Variants in NCKAP5 observed in about 807,000 individuals in gnomAD.
NCKAP5 encodes the protein NCK associated protein 5.
NCKAP5 carries 92 observed loss-of-function variants against 167.0 expected under a neutral mutation model. The observed-to-expected ratio is 0.55, with a 90% confidence interval of 0.47 to 0.66. NCKAP5 has a LOEUF of 0.66. NCKAP5 is among the 30% of genes least tolerant of loss of function. NCKAP5 has a pLI of 0.00. For missense variants in NCKAP5, 2,378 were observed against 2,315.0 expected, an observed-to-expected ratio of 1.03 and a Z score of -0.56; for synonymous variants, 891 against 877.4, an observed-to-expected ratio of 1.02 and a Z score of -0.27.
At chr2:133,168,915 C>A (rs1206405220) in intron 5 of NCKAP5, among the ~76,000 whole-genome samples, 1 of 152,102 alleles carries the variant, frequency 6.6e-6, no homozygotes, top group Non-Finnish European at 1.5e-5. Context: ...CCATAGACAG[C>A]ATTTCCACCT....
chr2:133,578,196 T>C, the NCKAP5 span, among the ~76,000 whole-genome samples: 4 of 152,264 alleles, frequency 2.6e-5, no homozygotes, highest in African/African-American at 9.6e-5. Context: ...TGACTCTAGT[T>C]CCTATGGTAA....
At chr2:133,530,119 A>G (rs1005389852) in intron 2 of NCKAP5, among the ~76,000 whole-genome samples, 1 of 152,216 alleles carries the variant, frequency 6.6e-6, no homozygotes, top group East Asian at 1.9e-4. Flanking sequence ...AAACCTACGT[A>G]AAGCATAGGT....
chr2:133,393,121 T>C (rs1687521200), intron 3 of NCKAP5, among the ~76,000 whole-genome samples: 1 of 152,228 alleles, frequency 6.6e-6, no homozygotes, highest in South Asian at 2.1e-4. Context: ...ACTAGACTTT[T>C]GGATGTTATA....
intron 4 of NCKAP5, among the ~76,000 whole-genome samples, chr2:133,295,398 G>A (rs1401915933): frequency 6.6e-6 from 1 of 152,098 alleles, no homozygotes; most frequent in Non-Finnish European, 1.5e-5. Context: ...ATGTTAGCAG[G>A]ATTAATGGCT....
chr2:133,465,379 G>A (rs1194463636), intron 3 of NCKAP5, among the ~76,000 whole-genome samples: 1 of 151,842 alleles, frequency 6.6e-6, no homozygotes. Context: ...TGGTGTATAT[G>A]TGCCACATTT....
intron 3 of NCKAP5, among the ~76,000 whole-genome samples, chr2:133,478,059 ATTCCATTGCACC>A (rs925394590): frequency 6.6e-6 from 1 of 152,180 alleles, no homozygotes; most frequent in Non-Finnish European, 1.5e-5. Context: ...CACTCTTATT[ATTCCATTGCACC>A]TGGATCCACA....
chr2:133,247,926 G>A (rs1402572547), intron 4 of NCKAP5, among the ~76,000 whole-genome samples: 1 of 152,216 alleles, frequency 6.6e-6, no homozygotes, highest in Non-Finnish European at 1.5e-5. Flanking sequence ...ATTGGAAATT[G>A]TAAAGTCCTA....
At chr2:133,660,137 T>C in the NCKAP5 span, among the ~76,000 whole-genome samples, 1 of 152,172 alleles carries the variant, frequency 6.6e-6, no homozygotes, top group Non-Finnish European at 1.5e-5. Context: ...TCACCTGTAT[T>C]CTCACCTGTC....
intron 6 of NCKAP5, among the ~76,000 whole-genome samples, chr2:133,079,278 G>T (rs1490877836): frequency 6.6e-6 from 1 of 152,134 alleles, no homozygotes; most frequent in Non-Finnish European, 1.5e-5. Context: ...CATAAGACTG[G>T]ATGTGCCATA....
intron 3 of NCKAP5, among the ~76,000 whole-genome samples, chr2:133,483,555 C>G (rs996333864): frequency 1.3e-5 from 2 of 150,712 alleles, no homozygotes; most frequent in African/African-American, 2.4e-5. Flanking sequence ...AGAAAAGATG[C>G]TCAGGATAAT....
At chr2:133,431,556 A>C (rs1476618976) in intron 3 of NCKAP5, 1 of 152,150 alleles carries the variant, frequency 6.6e-6, no homozygotes, top group South Asian at 2.1e-4. Flanking sequence ...GGCAGCTGGG[A>C]TCTCTGCAGC....
At chr2:132,689,657 C>A (rs1474442496) in intron 19 of NCKAP5, among the ~76,000 whole-genome samples, 1 of 152,152 alleles carries the variant, frequency 6.6e-6, no homozygotes, top group Non-Finnish European at 1.5e-5. Flanking sequence ...TGTCATCTGT[C>A]ATCTGTCATC....
At chr2:133,671,214 C>CAA in the NCKAP5 span, among the ~76,000 whole-genome samples, 1,679 of 53,328 alleles carry the variant, frequency 0.031, 107 homozygotes, top group African/African-American at 0.092. Context: ...GACTCCGTCT[C>CAA]AAAAAAAAAA....
At chr2:132,893,292 C>T (rs572707792) in intron 8 of NCKAP5, among the ~76,000 whole-genome samples, 31 of 152,202 alleles carry the variant, frequency 2.0e-4, no homozygotes, top group Admixed American at 5.2e-4. Context: ...GACCCAGCAA[C>T]GCCATTGCTA....
chr2:133,559,475 T>C (rs1238151076), intron 1 of NCKAP5, among the ~76,000 whole-genome samples: 1 of 152,184 alleles, frequency 6.6e-6, no homozygotes, highest in East Asian at 1.9e-4. Flanking sequence ...CACATCACCA[T>C]GCCCAGGTAA....
At chr2:133,650,455 T>A in the NCKAP5 span, among the ~76,000 whole-genome samples, 1 of 152,188 alleles carries the variant, frequency 6.6e-6, no homozygotes, top group African/African-American at 2.4e-5. Context: ...TTCCAGATTT[T>A]AAAATATATT....
At chr2:132,761,451 A>G in intron 16 of NCKAP5, among the ~76,000 whole-genome samples, 1 of 152,248 alleles carries the variant, frequency 6.6e-6, no homozygotes, top group East Asian at 1.9e-4. Context: ...AATGCTGGCT[A>G]GGGCATTCTC....
intron 5 of NCKAP5, among the ~76,000 whole-genome samples, chr2:133,200,389 A>C (rs775922982): frequency 2.6e-5 from 4 of 152,122 alleles, no homozygotes; most frequent in Non-Finnish European, 5.9e-5. Flanking sequence ...TATTCTTTTC[A>C]ACAAATGATG....
intron 7 of NCKAP5, among the ~76,000 whole-genome samples, chr2:132,982,401 T>C (rs754472323): frequency 1.1e-4 from 16 of 152,256 alleles, no homozygotes; most frequent in Non-Finnish European, 1.5e-4. Flanking sequence ...TCCCTGAAAC[T>C]TTTTCTCATT....
Sources: allele counts gnomAD v4.1 joint callset (sites outside exome capture counted in the v4.1 genomes callset), GRCh38; gene constraint gnomAD v4.1.1; transcripts MANE v1.5; gene names NCBI Gene and HGNC (gene_info 2026-07-23, HGNC 2026-07-21).